Variants in CBLL1 observed in about 807,000 individuals in gnomAD.
CBLL1 encodes the protein E3 ubiquitin-protein ligase Hakai.
CBLL1 carries 4 observed loss-of-function variants against 44.9 expected under a neutral mutation model. That is an observed-to-expected ratio of 0.09 (90% CI 0.04 to 0.20). The LOEUF (loss-of-function observed/expected upper bound fraction) is 0.20. Ranked by LOEUF, CBLL1 falls within the 10% of genes least tolerant of loss-of-function variation. CBLL1 has a pLI of 1.00. For missense variants in CBLL1, 569 were observed against 636.7 expected (o/e 0.89, Z 1.14); for synonymous variants, 235 against 202.2 (o/e 1.16, Z -1.38).
rs555154984 is a variant in CBLL1, at chr7:107,748,830, C to A, written c.14-50C>A. 2.3e-5 allele frequency: 35 copies of A among 1,506,860 alleles called. No homozygotes were observed. In the South Asian group the frequency reaches 4.5e-4, roughly 19 times the overall value. The allele number at this position is 1,506,860 out of a possible 1,614,324, so 93.3% of individuals were successfully genotyped here. A position where few individuals can be genotyped will look rare whatever the true frequency, so the allele number is the denominator to read the frequency against. Reference sequence around the variant, plus strand: ...GTTTTAATACCTGTGGCAGAATAATCTTTAAAAAGAAAAACTAAAAGAAAT... The same window carrying A: ...GTTTTAATACCTGTGGCAGAATAATATTTAAAAAGAAAAACTAAAAGAAAT... On this transcript the variant is annotated intron_variant, in intron 1 of 5. Coordinates refer to ENST00000440859, the MANE Select transcript of CBLL1 (RefSeq NM_024814.4).
At chr7:107,744,816 G>T (rs745617252) in intron 1 of CBLL1, 8 of 152,190 alleles carry the variant, frequency 5.3e-5, no homozygotes, top group African/African-American at 1.7e-4. Context: ...TAAAATCAAG[G>T]CATTCTCATA....
At position 107,751,740 on chromosome 7, in the gene CBLL1, C is replaced by T. The variant is rs150153008; in HGVS notation, c.182-1671C>T. ...GCCAAAATCCTTTTCTCTCCTTTCC[C>T]TCTCGGATTTTGGAGTAAAATAAGT... On this transcript the variant is annotated intron_variant, in intron 2 of 5. Transcript: ENST00000440859. 6.7e-3 allele frequency among the ~76,000 whole-genome samples: 1,014 copies of T among 152,254 alleles called. 17 individuals are homozygous for T. Among genetic ancestry groups the T allele is most frequent in the African/African-American group, 0.024 (978 of 41,540 alleles).
In CBLL1 at chr7:107,753,523, A is replaced by C. The variant is rs758980708; in HGVS notation, c.282+12A>C. The C allele has an allele frequency of 6.7e-7, 1 of 1,487,090 alleles. No homozygotes were observed. Among genetic ancestry groups the C allele is most frequent in the South Asian group, 1.3e-5 (1 of 76,642 alleles). 92.1% of individuals were successfully genotyped at this position (1,487,090 alleles called of 1,614,324 possible). ...TTTGGGACTTTCAGGTATAATTAAA[A>C]ATGAAAAATTGTATTATAACAATAA... On this transcript the variant is annotated intron_variant, in intron 3 of 5. Transcript: ENST00000440859.
intron 2 of CBLL1, 139 bp from the exon 3 acceptor site, chr7:107,753,272 G>C (rs897189965): frequency 3.5e-6 from 2 of 566,432 alleles, no homozygotes; most frequent in African/African-American, 2.0e-5. Flanking sequence ...AAGTAATCTT[G>C]ATTGTCTTAT....
At chr7:107,756,081 G>C (rs187617253) in intron 5 of CBLL1, among the ~76,000 whole-genome samples, 1 of 152,176 alleles carries the variant, frequency 6.6e-6, no homozygotes, top group African/African-American at 2.4e-5. Flanking sequence ...TCATTACATA[G>C]TCTCAAACAA....
chr7:107,747,234 TG>T (rs1294515564), intron 1 of CBLL1, among the ~76,000 whole-genome samples: 1 of 152,196 alleles, frequency 6.6e-6, no homozygotes, highest in Non-Finnish European at 1.5e-5. Context: ...CTCTTGAAAG[TG>T]GTAGACTATG....
At chr7:107,751,541 C>G (rs1440896669) in intron 2 of CBLL1, among the ~76,000 whole-genome samples, 1 of 152,176 alleles carries the variant, frequency 6.6e-6, no homozygotes, top group Non-Finnish European at 1.5e-5. Flanking sequence ...GCCATCTAAA[C>G]AAGTATATTT....
intron 1 of CBLL1, chr7:107,744,427 C>T (rs920977316): frequency 2.3e-6 from 1 of 440,108 alleles, no homozygotes. Flanking sequence ...GCTCCGAGCC[C>T]GGACCAGTGG....
chr7:107,761,328 T>A lies in CBLL1; in HGVS notation c.*2150T>A, dbSNP rs1793749543. The A allele has an allele frequency of 6.6e-6, 1 of 152,168 alleles. No homozygotes were observed. 9.4% of individuals were successfully genotyped at this position (152,168 alleles called of 1,614,324 possible). ...ATTAAGAGAACCCTTGTAGAGTTTT[T>A]AAAAAATGATTTATTTTCAATTAGG... On this transcript the variant is annotated 3_prime_UTR_variant, in exon 6 of 6. Coordinates refer to ENST00000440859, the MANE Select transcript of CBLL1 (RefSeq NM_024814.4).
At position 107,748,972 on chromosome 7, in the gene CBLL1, A is replaced by G. The variant is rs557477503; in HGVS notation, c.106A>G (p.Asn36Asp). 7.4e-6 allele frequency: 12 copies of G among 1,614,206 alleles called. No homozygotes were observed. The highest frequency in any genetic ancestry group is 1.0e-5 in the Non-Finnish European group (12 of 1,180,016). The change falls in exon 2 of 6, where the codon AAC becomes GAC. Residue 36 changes from asparagine (N) to aspartate (D), a missense_variant. Around this residue, in one of 5 missense-constraint regions of CBLL1, gnomAD observed 209 missense variants for 202.8 expected, o/e 1.03. Transcript: ENST00000440859. ...TATAAAGCTCATCTCCAAACAAGCA[A>G]ACAAAGCGAAACCTGCACCGCGAAC... is the stretch of plus-strand genomic sequence containing the variant. ...IPIKLISKQANKAKPAPRTQR... is the reference protein window; with the variant it reads ...IPIKLISKQADKAKPAPRTQR...
Position 107,761,111 on chromosome 7 carries a change from A to T in CBLL1, c.*1933A>T, listed in dbSNP as rs1285266287. On this transcript the variant is annotated 3_prime_UTR_variant, in exon 6 of 6. Transcript: ENST00000440859. The stretch of plus-strand genomic sequence containing the variant: ...CATCCCCCTGTTTAGGAGCTATTAA[A>T]ATATTACTGTTAAAAATCCAAACCA... The T allele has an allele frequency of 6.6e-6, 1 of 152,178 alleles. No homozygotes were observed. The highest frequency in any genetic ancestry group is 1.5e-5 in the Non-Finnish European group (1 of 67,892). 9.4% of individuals were successfully genotyped at this position (152,178 alleles called of 1,614,324 possible). A position where few individuals can be genotyped will look rare whatever the true frequency, so the allele number is the denominator to read the frequency against.
chr7:107,755,187 A>T (rs1294234541), intron 4 of CBLL1, among the ~76,000 whole-genome samples: 1 of 152,154 alleles, frequency 6.6e-6, no homozygotes. Flanking sequence ...TCCAGAAAGT[A>T]TAAGCAAATG....
chr7:107,749,210 CT>C, intron 2 of CBLL1, 163 bp downstream of exon 2: 1 of 534,962 alleles, frequency 1.9e-6, no homozygotes, highest in Non-Finnish European at 3.0e-6. Context: ...TTTTATTTTC[CT>C]TTATAAATAT....
In CBLL1 at chr7:107,749,186, G is replaced by A. The variant is rs543141603; in HGVS notation, c.181+139G>A. The A allele has an allele frequency of 2.1e-5, 13 of 623,352 alleles. No homozygotes were observed. The African/African-American group carries it at 2.3e-4, about 11-fold the overall frequency. The allele number at this position is 623,352 out of a possible 1,614,324, so 38.6% of individuals were successfully genotyped here. A position where few individuals can be genotyped will look rare whatever the true frequency, so the allele number is the denominator to read the frequency against. ...CAACCTTCTTGTTTGACTTCTCATT[G>A]TAGCACATTGTATTTTTATTTTCCT... is the stretch of plus-strand genomic sequence containing the variant. On this transcript the variant is annotated intron_variant, in intron 2 of 5. Transcript: ENST00000440859.
Position 107,760,636 on chromosome 7 carries a change from C to T in CBLL1, c.*1458C>T, listed in dbSNP as rs1793726083. ...AAATCCCTGTGAAGTTTTTCCTCCC[C>T]ACTAAAATGGTGCATAATAAAACAT... On this transcript the variant is annotated 3_prime_UTR_variant, in exon 6 of 6. Coordinates refer to ENST00000440859, the MANE Select transcript of CBLL1 (RefSeq NM_024814.4). The T allele has an allele frequency of 6.6e-6, 1 of 152,166 alleles. No individual in the cohort carries two copies. Among genetic ancestry groups the T allele is most frequent in the African/African-American group, 2.4e-5 (1 of 41,432 alleles). 9.4% of individuals were successfully genotyped at this position (152,166 alleles called of 1,614,324 possible).
chr7:107,748,999 C>CA lies in CBLL1; in HGVS notation c.136dup (p.Arg46LysfsTer14). 1 of 1,614,128 alleles carries CA rather than the reference C, an allele frequency of 6.2e-7. No homozygotes were observed. The highest frequency in any genetic ancestry group is 8.5e-7 in the Non-Finnish European group (1 of 1,180,014). On this transcript the variant is annotated frameshift_variant, in exon 2 of 6. Transcript: ENST00000440859. LOFTEE classifies it high-confidence loss of function. ...CAAAGCGAAACCTGCACCGCGAACT[C>CA]AAAGAACTATAAACAGGATGCCTGC...
intron 5 of CBLL1, among the ~76,000 whole-genome samples, chr7:107,757,445 A>G (rs1318786373): frequency 6.6e-6 from 1 of 152,174 alleles, no homozygotes; most frequent in Non-Finnish European, 1.5e-5. Flanking sequence ...AGAAAGCTGT[A>G]ATGGCAATTA....
rs1327584675 is a variant in CBLL1 at position 107,744,186 on chromosome 7, C to T, written c.13+10C>T. On this transcript the variant is annotated intron_variant, in intron 1 of 5. Coordinates refer to ENST00000440859, the MANE Select transcript of CBLL1 (RefSeq NM_024814.4). ...ATCATGGATCACACTGGTAAGGAGG[C>T]GGAGGCAGTGGGGGTCCCGGTTCCA... The T allele has an allele frequency of 1.3e-6, 2 of 1,548,716 alleles. No homozygotes were observed. Among genetic ancestry groups the T allele is most frequent in the Admixed American group, 4.0e-5 (2 of 50,308 alleles).
rs1793698948 is a variant in CBLL1, at chr7:107,759,859, C to T, written c.*681C>T. On this transcript the variant is annotated 3_prime_UTR_variant, in exon 6 of 6. Transcript: ENST00000440859. ...ACCAAAATACATTGGAATTCTAGTA[C>T]TAAGATATATTTGTTCGTAATGTTA... 6.6e-6 allele frequency: 1 copy of T among 152,190 alleles called. No individual in the cohort carries two copies. The highest frequency in any genetic ancestry group is 2.4e-5 in the African/African-American group (1 of 41,396). The allele number at this position is 152,190 out of a possible 1,614,324, so 9.4% of individuals were successfully genotyped here.
Sources: allele counts gnomAD v4.1 joint callset (sites outside exome capture counted in the v4.1 genomes callset), GRCh38; gene constraint gnomAD v4.1.1; regional missense constraint gnomAD v4.1.1; transcripts MANE v1.5; gene names NCBI Gene and HGNC (gene_info 2026-07-23, HGNC 2026-07-21).